Variants in PRKN observed in about 807,000 individuals in gnomAD.
The protein encoded by PRKN is parkin RBR E3 ubiquitin protein ligase.
In PRKN, 56 loss-of-function variants were observed where a neutral mutation model predicts 59.5. That is an observed-to-expected ratio of 0.94 (90% confidence interval 0.76 to 1.18). The LOEUF (loss-of-function observed/expected upper bound fraction) is 1.18. PRKN is among the 50% of genes most tolerant of loss of function. The probability of loss-of-function intolerance (pLI) is 0.00; values close to 1 mark genes in which losing one functional copy is unlikely to be tolerated. For missense variants in PRKN, 657 were observed against 596.4 expected (o/e 1.10, Z -1.06); for synonymous variants, 250 against 222.1 (o/e 1.13, Z -1.12).
In PRKN at chr6:161,548,866, G is replaced by C. The variant is rs878854707; in HGVS notation, c.1071C>G (p.Gly357=). The C allele has an allele frequency of 6.2e-7, 1 of 1,614,152 alleles. No homozygotes were observed. The highest frequency in any genetic ancestry group is 1.7e-5 in the Admixed American group (1 of 60,026). ...QRKVTCEGGN[G]LGCGFAFCRE... is the part of the protein sequence containing the mutation. ...GGGCAGTACTCACCCCACAGCCCAG[G>C]CCATTGCCCCCTTCGCAGGTGACTT... The change falls in exon 9 of 12, where the codon GGC becomes GGG. Residue 357 remains glycine, a synonymous_variant. Coordinates refer to ENST00000366898, the MANE Select transcript of PRKN (RefSeq NM_004562.3). This position sits in a 1 kb window ranked among gnomAD's most constrained non-coding sequence, Gnocchi z 4.2.
intron 2 of PRKN, among the ~76,000 whole-genome samples, chr6:162,337,121 A>T (rs918799247): frequency 6.6e-6 from 1 of 152,220 alleles, no homozygotes; most frequent in African/African-American, 2.4e-5. Flanking sequence ...ATCTCTAAAA[A>T]GGAACCCCAA....
chr6:162,136,793 G>A (rs1781577098), intron 4 of PRKN, among the ~76,000 whole-genome samples: 2 of 152,158 alleles, frequency 1.3e-5, no homozygotes, highest in African/African-American at 2.4e-5. Context: ...TCAATTCCAA[G>A]TAACAAAGCT....
intron 1 of PRKN, among the ~76,000 whole-genome samples, chr6:162,444,691 T>A (rs1294725264): frequency 1.3e-5 from 2 of 152,140 alleles, no homozygotes; most frequent in Admixed American, 6.6e-5. Context: ...TTACTATATA[T>A]GTCTTTTAAT....
Position 161,463,851 on chromosome 6 carries a change from T to A in PRKN, c.1084-76974A>T, listed in dbSNP as rs1480777871. Among the ~76,000 whole-genome samples, 3 of 152,218 alleles carry A rather than the reference T, an allele frequency of 2.0e-5. No homozygotes were observed. Among genetic ancestry groups the A allele is most frequent in the Non-Finnish European group, 4.4e-5 (3 of 68,034 alleles). ...AGCACCTAAATCCAAGCCCTGCAAC[T>A]ATCCCACAATATTATAGTATTATTC... On this transcript the variant is annotated intron_variant, in intron 9 of 11. Transcript: ENST00000366898. This position sits in a 1 kb window ranked among gnomAD's most constrained non-coding sequence, Gnocchi z 4.8.
chr6:161,514,579 C>T (rs780944380), intron 9 of PRKN, among the ~76,000 whole-genome samples: 2 of 152,012 alleles, frequency 1.3e-5, no homozygotes, highest in African/African-American at 2.4e-5. Flanking sequence ...TAAGGATCTG[C>T]GTCTGTGACT....
In PRKN at chr6:161,400,345, TCA is replaced by T. The variant is rs1238338717; in HGVS notation, c.1084-13470_1084-13469del. Among the ~76,000 whole-genome samples the T allele has an allele frequency of 6.6e-6, 1 of 151,842 alleles. No homozygotes were observed. Among genetic ancestry groups the T allele is most frequent in the Non-Finnish European group, 1.5e-5 (1 of 67,954 alleles). ...TTTTTGAGATGGAATTTCACTCTTG[TCA>T]CCCAGGCTGGAGTGCAATGGCACGA... is the stretch of plus-strand genomic sequence containing the variant. On this transcript the variant is annotated intron_variant, in intron 9 of 11. Coordinates refer to ENST00000366898, the MANE Select transcript of PRKN (RefSeq NM_004562.3). This position sits in a 1 kb window ranked among gnomAD's most constrained non-coding sequence, Gnocchi z 4.2.
At chr6:161,851,665 T>C (rs892474988) in intron 6 of PRKN, among the ~76,000 whole-genome samples, 2 of 151,758 alleles carry the variant, frequency 1.3e-5, no homozygotes, top group Non-Finnish European at 2.9e-5. Context: ...TTTGTATTTT[T>C]GGTAGAGACA....
chr6:162,658,235 A>G (rs1245240056), intron 1 of PRKN, among the ~76,000 whole-genome samples: 2 of 152,218 alleles, frequency 1.3e-5, no homozygotes, highest in Non-Finnish European at 2.9e-5. Flanking sequence ...ATATCTATTC[A>G]ACTTTCTTTC....
chr6:161,557,698 A>C (rs1780290247), intron 8 of PRKN, among the ~76,000 whole-genome samples: 1 of 152,214 alleles, frequency 6.6e-6, no homozygotes, highest in South Asian at 2.1e-4. Flanking sequence ...AAACTACAAG[A>C]AATGTGAAGT....
At chr6:161,970,585 T>C (rs1045384427) in intron 6 of PRKN, among the ~76,000 whole-genome samples, 2 of 151,962 alleles carry the variant, frequency 1.3e-5, no homozygotes, top group African/African-American at 4.8e-5. Context: ...TCACCCTGGC[T>C]GGAGCGCAGT....
At chr6:162,698,294 A>C (rs371891235) in intron 1 of PRKN, among the ~76,000 whole-genome samples, 46 of 65,702 alleles carry the variant, frequency 7.0e-4, no homozygotes, top group South Asian at 3.4e-3. Context: ...TAACCACTAC[A>C]CTTCCCAACT....
At chr6:162,489,409 A>T (rs1229037666) in intron 1 of PRKN, among the ~76,000 whole-genome samples, 1 of 152,242 alleles carries the variant, frequency 6.6e-6, no homozygotes, top group Non-Finnish European at 1.5e-5. Flanking sequence ...ACAGAATATT[A>T]AAACTCTGTA....
At chr6:162,536,520 T>C (rs966698919) in intron 1 of PRKN, among the ~76,000 whole-genome samples, 4 of 152,264 alleles carry the variant, frequency 2.6e-5, no homozygotes, top group African/African-American at 9.6e-5. Flanking sequence ...AGTTTCTTGC[T>C]GCATCTCCTT....
intron 9 of PRKN, among the ~76,000 whole-genome samples, chr6:161,430,516 GA>G (rs1249887825): frequency 6.6e-6 from 1 of 152,116 alleles, no homozygotes; most frequent in Non-Finnish European, 1.5e-5. Flanking sequence ...AGAGAGAATG[GA>G]TAAGAAATAC....
chr6:161,605,194 C>G (rs1782233882), intron 7 of PRKN, among the ~76,000 whole-genome samples: 1 of 152,252 alleles, frequency 6.6e-6, no homozygotes, highest in African/African-American at 2.4e-5. Context: ...CCACCCCTTT[C>G]AAAGCTGAGA....
intron 9 of PRKN, among the ~76,000 whole-genome samples, chr6:161,532,162 CTCTCTATA>C (rs200910311): frequency 0.018 from 1,502 of 83,568 alleles, 15 homozygotes; most frequent in South Asian, 0.096. Context: ...CTCTCTCTCT[CTCTCTATA>C]TATATATATA....
At chr6:162,338,314 C>A (rs1190127682) in intron 2 of PRKN, among the ~76,000 whole-genome samples, 1 of 152,168 alleles carries the variant, frequency 6.6e-6, no homozygotes, top group African/African-American at 2.4e-5. Context: ...TCATGCGGAG[C>A]CGAAGCTGGA....
Position 162,300,194 on chromosome 6 carries a change from C to T in PRKN, c.172-37429G>A, listed in dbSNP as rs546169228. 7.2e-5 allele frequency among the ~76,000 whole-genome samples: 11 copies of T among 152,088 alleles called. No homozygotes were observed. The South Asian group carries it at 2.3e-3, about 32-fold the overall frequency. On this transcript the variant is annotated intron_variant, in intron 2 of 11. Coordinates refer to ENST00000366898, the MANE Select transcript of PRKN (RefSeq NM_004562.3). Reference sequence around the variant, plus strand: ...TGGAATACAAACATGAATAGGAATGCCTATGACATTCAATGTGTTTTGTCG... The same window carrying T: ...TGGAATACAAACATGAATAGGAATGTCTATGACATTCAATGTGTTTTGTCG...
At chr6:161,350,922 A>T in intron 11 of PRKN, among the ~76,000 whole-genome samples, 1 of 89,740 alleles carries the variant, frequency 1.1e-5, no homozygotes, top group Middle Eastern at 0.013. Flanking sequence ...ATATATTTAT[A>T]TTTAAAATAT....
Sources: gnomAD v4.1 joint callset for allele counts (sites outside exome capture counted in the v4.1 genomes callset) on GRCh38, gnomAD v4.1.1 for gene constraint, Gnocchi (gnomAD v3.1) non-coding constraint, MANE v1.5 for transcripts, NCBI Gene and HGNC (gene_info 2026-07-23, HGNC 2026-07-21) for gene names.